Variants in ARHGAP15 observed in about 807,000 individuals in gnomAD.
ARHGAP15 encodes the protein Rho GTPase activating protein 15.
Under a neutral mutation model 63.7 loss-of-function variants are expected in ARHGAP15, and 51 were observed. That is an observed-to-expected ratio of 0.80 (90% CI 0.64 to 1.01). The LOEUF (loss-of-function observed/expected upper bound fraction) is 1.01. ARHGAP15 is among the 50% of genes least tolerant of loss of function. ARHGAP15 has a pLI of 0.00. For synonymous variants in ARHGAP15, 191 were observed against 193.8 expected (o/e 0.99, Z 0.12); for missense variants, 560 against 564.6 (o/e 0.99, Z 0.08).
At chr2:143,396,067 C>T (rs1346934338) in intron 6 of ARHGAP15, among the ~76,000 whole-genome samples, 1 of 152,098 alleles carries the variant, frequency 6.6e-6, no homozygotes, top group Admixed American at 6.6e-5. Flanking sequence ...AACTGTTGGT[C>T]TTTGTCACTA....
At chr2:143,416,552 T>C (rs1378385044) in intron 6 of ARHGAP15, among the ~76,000 whole-genome samples, 1 of 152,188 alleles carries the variant, frequency 6.6e-6, no homozygotes, top group African/African-American at 2.4e-5. Context: ...TTGTTGTTGT[T>C]GTCAATTTGC....
chr2:143,422,747 A>G (rs1688977720), intron 6 of ARHGAP15, among the ~76,000 whole-genome samples: 1 of 152,134 alleles, frequency 6.6e-6, no homozygotes, highest in African/African-American at 2.4e-5. Context: ...GTGAGGTGCA[A>G]TGAGGATCAG....
chr2:143,292,082 TAACAATGAGTATA>T lies in ARHGAP15; in HGVS notation c.474+41485_474+41497del, dbSNP rs573803497. Among the ~76,000 whole-genome samples the T allele has an allele frequency of 2.2e-3, 321 of 148,448 alleles. 1 individual carries two copies. The highest frequency in any genetic ancestry group is 3.4e-3 in the Non-Finnish European group (226 of 67,322). ...GCCAAGTGCCCCAAATTAATATTAA[TAACAATGAGTATA>T]AATAATAGTGGGCTTTTCTGTATAT... On this transcript the variant is annotated intron_variant, in intron 6 of 13. Coordinates refer to ENST00000295095, the MANE Select transcript of ARHGAP15 (RefSeq NM_018460.4).
intron 6 of ARHGAP15, among the ~76,000 whole-genome samples, chr2:143,430,954 C>T (rs922891941): frequency 6.6e-5 from 10 of 151,872 alleles, no homozygotes; most frequent in Non-Finnish European, 1.0e-4. Context: ...AATCAAAATG[C>T]GAAAGGTATT....
chr2:143,409,051 A>C (rs1574406681), intron 6 of ARHGAP15, among the ~76,000 whole-genome samples: 1 of 152,018 alleles, frequency 6.6e-6, no homozygotes, highest in South Asian at 2.1e-4. Context: ...TGAGTGTTTG[A>C]CATAGAAAGC....
chr2:143,159,063 T>G (rs892217061), intron 2 of ARHGAP15, among the ~76,000 whole-genome samples: 1 of 151,884 alleles, frequency 6.6e-6, no homozygotes, highest in African/African-American at 2.4e-5. Flanking sequence ...ACAACGTGTA[T>G]GAATATTCAC....
At chr2:143,346,774 T>C (rs953012295) in intron 6 of ARHGAP15, among the ~76,000 whole-genome samples, 2 of 152,128 alleles carry the variant, frequency 1.3e-5, no homozygotes, top group African/African-American at 4.8e-5. Context: ...TTCATTTTTT[T>C]GATATAACCC....
At position 143,659,369 on chromosome 2, in the gene ARHGAP15, A is replaced by T. The variant is rs1681625656; in HGVS notation, c.1138+35102A>T. ...CAGTGTATACATTTATCAAATTATCACATTGTGCAGCTTAAATATATTCAT... is the reference window on the plus strand; with the variant it reads ...CAGTGTATACATTTATCAAATTATCTCATTGTGCAGCTTAAATATATTCAT... On this transcript the variant is annotated intron_variant, in intron 12 of 13. Transcript: ENST00000295095. Among the ~76,000 whole-genome samples, 3 of 152,290 alleles carry T rather than the reference A, an allele frequency of 2.0e-5. No homozygotes were observed. The East Asian group carries it at 5.8e-4, about 29-fold the overall frequency.
chr2:143,661,670 A>C (rs1409247470), intron 12 of ARHGAP15, among the ~76,000 whole-genome samples: 9 of 152,180 alleles, frequency 5.9e-5, no homozygotes, highest in Non-Finnish European at 1.0e-4. Context: ...TACCGGGTTC[A>C]TCTCACTAGG....
intron 2 of ARHGAP15, among the ~76,000 whole-genome samples, chr2:143,176,692 T>C (rs1032974011): frequency 6.6e-6 from 1 of 152,248 alleles, no homozygotes; most frequent in East Asian, 1.9e-4. Flanking sequence ...ATTCATGATC[T>C]ACTGATAAAC....
intron 13 of ARHGAP15, among the ~76,000 whole-genome samples, chr2:143,728,483 A>T (rs1335447911): frequency 6.6e-6 from 1 of 152,154 alleles, no homozygotes. Flanking sequence ...ATTCACATCC[A>T]AGCTGTTGAC....
At chr2:143,650,791 G>T (rs561692227) in intron 12 of ARHGAP15, among the ~76,000 whole-genome samples, 1 of 151,700 alleles carries the variant, frequency 6.6e-6, no homozygotes, top group African/African-American at 2.4e-5. Flanking sequence ...AACATACCTC[G>T]CTATTTGGTA....
chr2:143,456,870 T>A (rs915359367), intron 8 of ARHGAP15, among the ~76,000 whole-genome samples: 4 of 151,904 alleles, frequency 2.6e-5, no homozygotes, highest in African/African-American at 9.7e-5. Flanking sequence ...TGCATGTATG[T>A]CTATAGTATA....
At chr2:143,550,783 C>A (rs965773229) in intron 10 of ARHGAP15, among the ~76,000 whole-genome samples, 3 of 152,208 alleles carry the variant, frequency 2.0e-5, no homozygotes, top group Non-Finnish European at 4.4e-5. Flanking sequence ...CCAACATGTT[C>A]CCTTTTTAAA....
At chr2:143,472,899 C>A (rs1574497019) in intron 8 of ARHGAP15, among the ~76,000 whole-genome samples, 1 of 152,186 alleles carries the variant, frequency 6.6e-6, no homozygotes, top group Admixed American at 6.5e-5. Context: ...ACCCAGGACT[C>A]AAAATTAGAT....
chr2:143,609,727 C>T (rs529915930), intron 11 of ARHGAP15, among the ~76,000 whole-genome samples: 9 of 152,220 alleles, frequency 5.9e-5, no homozygotes, highest in African/African-American at 9.6e-5. Flanking sequence ...CTACCCTGTT[C>T]GGTACCCAGG....
rs17205123 is a variant in ARHGAP15, at chr2:143,178,992, G to A, written c.166-23142G>A. On this transcript the variant is annotated intron_variant, in intron 2 of 13. Coordinates refer to ENST00000295095, the MANE Select transcript of ARHGAP15 (RefSeq NM_018460.4). ...TAAAATCCTAGAGGTAAAGCCTTAG[G>A]CTCATTTAGAATGAGAAATGCTCAT... is the stretch of plus-strand genomic sequence containing the variant. Among the ~76,000 whole-genome samples, 551 of 152,288 alleles carry A rather than the reference G, an allele frequency of 3.6e-3. 2 individuals are homozygous for A. The highest frequency in any genetic ancestry group is 6.8e-3 in the Middle Eastern group (2 of 294).
At chr2:143,300,323 T>C (rs777247700) in intron 6 of ARHGAP15, among the ~76,000 whole-genome samples, 2 of 152,024 alleles carry the variant, frequency 1.3e-5, no homozygotes, top group Non-Finnish European at 1.5e-5. Flanking sequence ...AAGAATTAAT[T>C]GCTAATACTA....
At chr2:143,420,626 T>A (rs1471977712) in intron 6 of ARHGAP15, among the ~76,000 whole-genome samples, 1 of 152,166 alleles carries the variant, frequency 6.6e-6, no homozygotes. Flanking sequence ...CAAGAAGTCT[T>A]TGGAGTCCGC....
Sources: allele counts gnomAD v4.1 joint callset (sites outside exome capture counted in the v4.1 genomes callset), GRCh38; gene constraint gnomAD v4.1.1; transcripts MANE v1.5; gene names NCBI Gene and HGNC (gene_info 2026-07-23, HGNC 2026-07-21).